The following RORA variants were observed in gnomAD, a reference collection of about 807,000 sequenced individuals.
The protein encoded by RORA is nuclear receptor ROR-alpha.
Under a neutral mutation model 69.5 loss-of-function variants are expected in RORA, and 7 were observed. The ratio of observed to expected loss-of-function variants is 0.10; its 90% CI spans 0.06 to 0.19. The LOEUF (loss-of-function observed/expected upper bound fraction) is 0.19. RORA is among the 10% of genes least tolerant of loss of function. The pLI is 1.00. For synonymous variants in RORA, 261 were observed against 240.8 expected, an observed-to-expected ratio of 1.08 and a Z score of -0.78; for missense variants, 457 against 663.0, an observed-to-expected ratio of 0.69 and a Z score of 3.41.
Position 60,493,778 on chromosome 15 carries a change from G to C in RORA, c.*3677C>G, listed in dbSNP as rs932567954. 3 of 151,552 alleles carry C rather than the reference G, an allele frequency of 2.0e-5. No individual in the cohort carries two copies. The highest frequency in any genetic ancestry group is 2.9e-5 in the Non-Finnish European group (2 of 67,884). The allele number at this position is 151,552 out of a possible 1,614,324, so 9.4% of individuals were successfully genotyped here. A position where few individuals can be genotyped will look rare whatever the true frequency, so the allele number is the denominator to read the frequency against. On this transcript the variant is annotated 3_prime_UTR_variant, in exon 11 of 11. Coordinates refer to ENST00000335670, the MANE Select transcript of RORA (RefSeq NM_134261.3). ...AGTGCCATCAAATATTTATAGAAGGGTTAAAAAAATAGAAGTCTCTCTAAA... is the reference window on the plus strand; with the variant it reads ...AGTGCCATCAAATATTTATAGAAGGCTTAAAAAAATAGAAGTCTCTCTAAA...
At position 60,558,409 on chromosome 15, in the gene RORA, T is replaced by G. The variant is rs116449718; in HGVS notation, c.197-26558A>C. 1.2e-3 allele frequency: 798 copies of G among 671,464 alleles called. 3 individuals are homozygous for G. The African/African-American group carries it at 0.013, about 11-fold the overall frequency. The allele number at this position is 671,464 out of a possible 1,614,324, so 41.6% of individuals were successfully genotyped here. A position where few individuals can be genotyped will look rare whatever the true frequency, so the allele number is the denominator to read the frequency against. On this transcript the variant is annotated intron_variant, in intron 2 of 10. Coordinates refer to ENST00000335670, the MANE Select transcript of RORA (RefSeq NM_134261.3). ...AAAACAGGAACATCTCATGACTTTT[T>G]TGTGTGTACCATAATTTAATAGATC...
At chr15:60,639,025 G>A (rs1159975665) in intron 2 of RORA, among the ~76,000 whole-genome samples, 1 of 152,064 alleles carries the variant, frequency 6.6e-6, no homozygotes, top group Non-Finnish European at 1.5e-5. Flanking sequence ...CGTTAGTCTG[G>A]CTTGAGAACA....
At chr15:60,806,610 T>G (rs1439906584) in intron 1 of RORA, among the ~76,000 whole-genome samples, 1 of 152,170 alleles carries the variant, frequency 6.6e-6, no homozygotes, top group Non-Finnish European at 1.5e-5. Context: ...ATCTATACAC[T>G]CTCTTTTGAT....
chr15:61,131,144 A>G lies in RORA; in HGVS notation c.166+97909T>C, dbSNP rs1300462861. On this transcript the variant is annotated intron_variant, in intron 1 of 10. Coordinates refer to ENST00000335670, the MANE Select transcript of RORA (RefSeq NM_134261.3). The surrounding 1 kb of genome is among the most constrained non-coding windows in gnomAD (Gnocchi z 4.2). The stretch of plus-strand genomic sequence containing the variant: ...AGGATTAGCGTGCTATGGTTGGCCA[A>G]CCAGGTCACACCACTTTTGAACACT... 6.6e-6 allele frequency among the ~76,000 whole-genome samples: 1 copy of G among 152,220 alleles called. No homozygotes were observed. The highest frequency in any genetic ancestry group is 1.5e-5 in the Non-Finnish European group (1 of 68,036).
chr15:60,940,506 G>A (rs755541513), intron 1 of RORA, among the ~76,000 whole-genome samples: 2 of 152,192 alleles, frequency 1.3e-5, no homozygotes, highest in Admixed American at 1.3e-4. Flanking sequence ...GTTGCAGGGG[G>A]ACGGGATTGA....
chr15:60,553,262 T>A (rs1433731391), intron 2 of RORA, among the ~76,000 whole-genome samples: 3 of 152,194 alleles, frequency 2.0e-5, no homozygotes, highest in Non-Finnish European at 4.4e-5. Flanking sequence ...AAGGTCAAGA[T>A]GGCAAGTGAG....
Position 60,531,826 on chromosome 15 carries a change from C to A in RORA, c.222G>T (p.Lys74Asn). Residue 74 changes from lysine (K) to asparagine (N), a missense_variant, in exon 3 of 11, where the codon AAG (lysine) becomes AAT (asparagine). By Grantham distance (94) the Lys-to-Asn change is moderately conservative. Transcript: ENST00000335670. This position sits in a 1 kb window ranked among gnomAD's most constrained non-coding sequence, Gnocchi z 4.8. ...TTCCTGATGATTTGTCTCCACAGATCTTGCATGGAATAATTTCAATTTGAG... is the reference window on the plus strand; with the variant it reads ...TTCCTGATGATTTGTCTCCACAGATATTGCATGGAATAATTTCAATTTGAG... ...HTSQIEIIPCKICGDKSSGIH... is the reference protein window; with the variant it reads ...HTSQIEIIPCNICGDKSSGIH... The A allele has an allele frequency of 6.3e-7, 1 of 1,597,974 alleles. No individual in the cohort carries two copies. Among genetic ancestry groups the A allele is most frequent in the Non-Finnish European group, 8.5e-7 (1 of 1,174,286 alleles).
intron 1 of RORA, among the ~76,000 whole-genome samples, chr15:60,811,043 A>G (rs1377332264): frequency 6.6e-6 from 1 of 152,092 alleles, no homozygotes; most frequent in Non-Finnish European, 1.5e-5. Context: ...TGTGTGGGAG[A>G]CAAGTCCGAA....
intron 1 of RORA, among the ~76,000 whole-genome samples, chr15:61,144,082 C>G (rs1415689180): frequency 6.6e-6 from 1 of 152,094 alleles, no homozygotes; most frequent in Non-Finnish European, 1.5e-5. Flanking sequence ...GAACAAGAAC[C>G]TTGTGTAAAA....
chr15:60,981,535 C>G (rs1047744946), intron 1 of RORA, among the ~76,000 whole-genome samples: 1 of 151,994 alleles, frequency 6.6e-6, no homozygotes, highest in Admixed American at 6.6e-5. Context: ...CTCAATTTAC[C>G]TGTTTCAAGT....
At chr15:61,173,580 C>T (rs1414131677) in intron 1 of RORA, among the ~76,000 whole-genome samples, 1 of 152,222 alleles carries the variant, frequency 6.6e-6, no homozygotes, top group African/African-American at 2.4e-5. Context: ...CTGCACAAAA[C>T]ACCTAGTTAA....
chr15:60,502,993 C>G, intron 7 of RORA, 126 bp from the exon 8 acceptor site: 1 of 758,766 alleles, frequency 1.3e-6, no homozygotes. Flanking sequence ...GTTTAGCTAG[C>G]GGGTTCTCAG....
intron 1 of RORA, among the ~76,000 whole-genome samples, chr15:61,180,253 T>C (rs1246653411): frequency 6.6e-6 from 1 of 151,954 alleles, no homozygotes; most frequent in African/African-American, 2.4e-5. Flanking sequence ...TCCAGGTAGG[T>C]AGCAGTACAA....
intron 2 of RORA, among the ~76,000 whole-genome samples, chr15:60,611,589 A>AAAAAAAAAAAAAAAAAGG (rs2069091475): frequency 6.8e-6 from 1 of 146,392 alleles, no homozygotes; most frequent in Admixed American, 6.9e-5. Context: ...AAAAAAAAAA[A>AAAAAAAAAAAAAAAAAGG]GGTGGAGTCT....
intron 2 of RORA, among the ~76,000 whole-genome samples, chr15:60,655,507 T>C (rs1041419934): frequency 6.6e-6 from 1 of 152,140 alleles, no homozygotes; most frequent in African/African-American, 2.4e-5. Context: ...AGAGGCAGTG[T>C]CAATTACTGT....
rs145774546 is a variant in RORA, at chr15:60,505,404, G to A, written c.942+104C>T. 279 of 1,104,764 alleles carry A rather than the reference G, an allele frequency of 2.5e-4. 4 individuals carry two copies. The African/African-American group carries it at 3.8e-3, about 15-fold the overall frequency. 68.4% of individuals were successfully genotyped at this position (1,104,764 alleles called of 1,614,324 possible). ...AAAGATATTTAAACAGAAACCTGAT[G>A]ACATTCATTCTTTAGTCTGTGTGAA... On this transcript the variant is annotated intron_variant, in intron 6 of 10. Transcript: ENST00000335670.
rs562577089 is a variant in RORA, at chr15:60,950,091, C to T, written c.167-271405G>A. Among the ~76,000 whole-genome samples, 644 of 151,444 alleles carry T rather than the reference C, an allele frequency of 4.3e-3. 2 individuals are homozygous for T. Among genetic ancestry groups the T allele is most frequent in the Non-Finnish European group, 6.3e-3 (428 of 67,860 alleles). ...CCCATCAGACTAACAGCGGATCTCT[C>T]GGCAGAAACCCTACAAGCCAGAAGA... On this transcript the variant is annotated intron_variant, in intron 1 of 10. Coordinates refer to ENST00000335670, the MANE Select transcript of RORA (RefSeq NM_134261.3).
chr15:60,797,679 C>T (rs570916874), intron 1 of RORA, among the ~76,000 whole-genome samples: 1 of 152,212 alleles, frequency 6.6e-6, no homozygotes, highest in East Asian at 1.9e-4. Flanking sequence ...CCAAGGACAC[C>T]GGTGTCATTT....
At chr15:60,726,965 A>G (rs1271052289) in intron 1 of RORA, among the ~76,000 whole-genome samples, 1 of 152,198 alleles carries the variant, frequency 6.6e-6, no homozygotes, top group African/African-American at 2.4e-5. Flanking sequence ...ACCCTGATAT[A>G]AAGTGTTTTT....
Sources: gnomAD v4.1 joint callset for allele counts (sites outside exome capture counted in the v4.1 genomes callset) on GRCh38, gnomAD v4.1.1 for gene constraint, Gnocchi (gnomAD v3.1) non-coding constraint, MANE v1.5 for transcripts, NCBI Gene and HGNC (gene_info 2026-07-23, HGNC 2026-07-21) for gene names.